The following SNX5 variants were observed in gnomAD, a reference collection of about 807,000 sequenced individuals.
SNX5 encodes the protein sorting nexin-5.
Under a neutral mutation model 53.9 loss-of-function variants are expected in SNX5, and 31 were observed. The ratio of observed to expected loss-of-function variants is 0.58; its 90% CI spans 0.43 to 0.78. SNX5 has a LOEUF of 0.78. SNX5 is among the 30% of genes least tolerant of loss of function. The pLI is 0.00. For missense variants in SNX5, 471 were observed against 478.8 expected, an observed-to-expected ratio of 0.98 and a Z score of 0.15; for synonymous variants, 168 against 171.1, an observed-to-expected ratio of 0.98 and a Z score of 0.14.
intron 3 of SNX5, among the ~76,000 whole-genome samples, chr20:17,955,112 G>C (rs1305277041): frequency 6.6e-6 from 1 of 152,048 alleles, no homozygotes. Flanking sequence ...CAAACCTAAA[G>C]GTAGGTAAGA....
In SNX5 at chr20:17,968,538, C is replaced by T. The variant is rs1195111186; in HGVS notation, c.-113G>A. Reference sequence around the variant, plus strand: ...GGGGCGGCCACGGCCCCGCCTCCGCCGGCCTCCCTGCCCGACGGCGGCAGG... The same window carrying T: ...GGGGCGGCCACGGCCCCGCCTCCGCTGGCCTCCCTGCCCGACGGCGGCAGG... On this transcript the variant is annotated 5_prime_UTR_variant, in exon 1 of 13. Coordinates refer to ENST00000377759, the MANE Select transcript of SNX5 (RefSeq NM_014426.4). 30 of 1,022,608 alleles carry T rather than the reference C, an allele frequency of 2.9e-5. No homozygotes were observed. The highest frequency in any genetic ancestry group is 4.0e-5 in the Non-Finnish European group (30 of 748,090). 63.3% of individuals were successfully genotyped at this position (1,022,608 alleles called of 1,614,324 possible). A position where few individuals can be genotyped will look rare whatever the true frequency, so the allele number is the denominator to read the frequency against.
chr20:17,942,098 G>C lies in SNX5; in HGVS notation c.*259C>G. On this transcript the variant is annotated 3_prime_UTR_variant, in exon 13 of 13. Coordinates refer to ENST00000377759, the MANE Select transcript of SNX5 (RefSeq NM_014426.4). ...ACACCCTTTCTTAGTAACTAAAGACGAACTACGGGAGAACCCAGTATTTGG... is the reference window on the plus strand; with the variant it reads ...ACACCCTTTCTTAGTAACTAAAGACCAACTACGGGAGAACCCAGTATTTGG... 2.4e-6 allele frequency: 1 copy of C among 416,194 alleles called. No individual in the cohort carries two copies. The highest frequency in any genetic ancestry group is 4.4e-6 in the Non-Finnish European group (1 of 225,936). 25.8% of individuals were successfully genotyped at this position (416,194 alleles called of 1,614,324 possible).
chr20:17,952,794 G>GC, intron 4 of SNX5, 84 bp from the exon 5 acceptor site: 1 of 1,485,690 alleles, frequency 6.7e-7, no homozygotes, highest in Non-Finnish European at 9.1e-7. Flanking sequence ...CTATGGCCCT[G>GC]CTCATGCCAC....
At chr20:17,962,593 C>T in intron 1 of SNX5, 1 of 347,340 alleles carries the variant, frequency 2.9e-6, no homozygotes, top group South Asian at 2.2e-5. Context: ...TTTCTTAGTC[C>T]CCCAAGGAAA....
intron 1 of SNX5, among the ~76,000 whole-genome samples, chr20:17,966,826 G>C (rs908634869): frequency 6.6e-6 from 1 of 152,126 alleles, no homozygotes; most frequent in African/African-American, 2.4e-5. Context: ...TTTCATACTT[G>C]CCCCAAACTC....
chr20:17,968,094 G>C (rs1025390111), intron 1 of SNX5: 7 of 398,728 alleles, frequency 1.8e-5, no homozygotes, highest in African/African-American at 1.2e-4. Flanking sequence ...GGGGTCTCCA[G>C]AGATCATCTC....
At position 17,943,378 on chromosome 20, in the gene SNX5, A is replaced by G. The variant is rs548262505; in HGVS notation, c.1079-183T>C. On this transcript the variant is annotated intron_variant, in intron 11 of 12. Transcript: ENST00000377759. ...AGACATCTATTAACTGTGGTGATACAGCTATCACTGTCTTTAAGTGGAAAA... is the reference window on the plus strand; with the variant it reads ...AGACATCTATTAACTGTGGTGATACGGCTATCACTGTCTTTAAGTGGAAAA... The G allele has an allele frequency of 1.4e-5, 8 of 572,150 alleles. No individual in the cohort carries two copies. In the East Asian group the frequency reaches 1.5e-4, roughly 11 times the overall value. The allele number at this position is 572,150 out of a possible 1,614,324, so 35.4% of individuals were successfully genotyped here.
intron 11 of SNX5, among the ~76,000 whole-genome samples, chr20:17,945,689 C>T (rs1035849347): frequency 6.6e-6 from 1 of 151,720 alleles, no homozygotes; most frequent in East Asian, 1.9e-4. Flanking sequence ...AAGAACCCAA[C>T]ACAGCCTCAG....
At chr20:17,967,307 TCAAGTTTCCA>T (rs1020383210) in intron 1 of SNX5, among the ~76,000 whole-genome samples, 1 of 149,600 alleles carries the variant, frequency 6.7e-6, no homozygotes, top group Admixed American at 6.6e-5. Flanking sequence ...AATCGTGGTC[TCAAGTTTCCA>T]CTTTGTTTTA....
chr20:17,942,507 A>G (rs1249957478), intron 12 of SNX5, 100 bp from the exon 13 acceptor site: 18 of 893,338 alleles, frequency 2.0e-5, no homozygotes, highest in Non-Finnish European at 3.4e-5. Context: ...CGGGAGGTTT[A>G]AAGTCAGCCA....
At chr20:17,954,273 A>C in intron 3 of SNX5, 156 bp from the exon 4 acceptor site, 1 of 1,156,338 alleles carries the variant, frequency 8.6e-7, no homozygotes, top group Non-Finnish European at 1.2e-6. Context: ...ACCTTCCTTA[A>C]CTCTTCTGGA....
intron 5 of SNX5, 84 bp from the exon 6 acceptor site, chr20:17,951,679 A>G: frequency 1.1e-6 from 1 of 931,442 alleles, no homozygotes. Flanking sequence ...CATTTTAAGT[A>G]ATCCTCTTTA....
At position 17,954,360 on chromosome 20, in the gene SNX5, G is replaced by A. The variant is rs369560932; in HGVS notation, c.268-243C>T. On this transcript the variant is annotated intron_variant, in intron 3 of 12. Transcript: ENST00000377759. ...TCATTTGTTCAGTTTATCCATTATA[G>A]ACAATTGTTCAGAGCACAACAGTGT... 1.6e-5 allele frequency: 7 copies of A among 446,332 alleles called. No homozygotes were observed. In the East Asian group the frequency reaches 2.1e-4, roughly 13 times the overall value. The allele number at this position is 446,332 out of a possible 1,614,324, so 27.6% of individuals were successfully genotyped here.
chr20:17,949,833 G>A (rs2039539289), intron 8 of SNX5, among the ~76,000 whole-genome samples: 1 of 152,180 alleles, frequency 6.6e-6, no homozygotes, highest in African/African-American at 2.4e-5. Flanking sequence ...AGGGGAAGAT[G>A]CAAGATAAAC....
rs759972900 is a variant in SNX5, at chr20:17,956,941, G to A, written c.148C>T (p.His50Tyr). The A allele has an allele frequency of 1.4e-5, 22 of 1,550,994 alleles. No homozygotes were observed. Among genetic ancestry groups the A allele is most frequent in the Non-Finnish European group, 2.0e-5 (22 of 1,123,372 alleles). ...CACTGCATGTTACTTACCTTTGTGT[G>A]CACTGTAAATTTGACTTTGTCTCTC... ...SERDKVKFTV[H>Y]TKTTLPTFQS... Residue 50 changes from histidine to tyrosine, a missense_variant, in exon 2 of 13, where the codon CAC (histidine) becomes TAC (tyrosine). Transcript: ENST00000377759.
chr20:17,950,083 CG>C lies in SNX5; in HGVS notation c.791+48del, dbSNP rs757512027. On this transcript the variant is annotated intron_variant, in intron 8 of 12. Transcript: ENST00000377759. Reference sequence around the variant, plus strand: ...CATTTATGCTTTTAATTACACCACTCGGCACTCTTCAATTGGGTTAGGGGAA... The same window carrying C: ...CATTTATGCTTTTAATTACACCACTCGCACTCTTCAATTGGGTTAGGGGAA... 37 of 1,509,392 alleles carry C rather than the reference CG, an allele frequency of 2.5e-5. 2 individuals carry two copies. The South Asian group carries it at 4.1e-4, about 17-fold the overall frequency. 93.5% of individuals were successfully genotyped at this position (1,509,392 alleles called of 1,614,324 possible).
intron 11 of SNX5, chr20:17,944,085 A>C (rs1404992604): frequency 2.6e-5 from 4 of 152,220 alleles, no homozygotes; most frequent in Non-Finnish European, 4.4e-5. Flanking sequence ...AAAATAAACC[A>C]GGCACAGAAA....
At chr20:17,952,795 C>G (rs933230051) in intron 4 of SNX5, 85 bp from the exon 5 acceptor site, 2 of 1,477,394 alleles carry the variant, frequency 1.4e-6, no homozygotes, top group Admixed American at 2.2e-5. Flanking sequence ...TATGGCCCTG[C>G]TCATGCCACC....
intron 4 of SNX5, among the ~76,000 whole-genome samples, chr20:17,953,629 C>G (rs2035303793): frequency 6.6e-6 from 1 of 152,188 alleles, no homozygotes; most frequent in Admixed American, 6.5e-5. Context: ...AGTTTCTTCT[C>G]AACGTCTAGT....
Sources: allele counts gnomAD v4.1 joint callset (sites outside exome capture counted in the v4.1 genomes callset), GRCh38; gene constraint gnomAD v4.1.1; transcripts MANE v1.5; gene names NCBI Gene and HGNC (gene_info 2026-07-23, HGNC 2026-07-21).